The following GATA2 variants were observed in gnomAD, a reference collection of about 807,000 sequenced individuals.
The protein encoded by GATA2 is endothelial transcription factor GATA-2.
In GATA2, 6 loss-of-function variants were observed where a neutral mutation model predicts 35.7. The observed-to-expected ratio is 0.17, with a 90% confidence interval of 0.09 to 0.33. GATA2 has a LOEUF of 0.33. GATA2 is among the 10% of genes least tolerant of loss of function. GATA2 has a pLI of 1.00. For synonymous variants in GATA2, 313 were observed against 274.9 expected, an observed-to-expected ratio of 1.14 and a Z score of -1.37; for missense variants, 541 against 656.6, an observed-to-expected ratio of 0.82 and a Z score of 1.92.
At chr3:128,486,604 G>A (rs1294919177) in intron 2 of GATA2, among the ~76,000 whole-genome samples, 199 bp downstream of exon 2, 2 of 152,122 alleles carry the variant, frequency 1.3e-5, no homozygotes, top group Non-Finnish European at 2.9e-5. Context: ...ACCCTCACAG[G>A]CCAGCTGGAA....
intron 3 of GATA2, among the ~76,000 whole-genome samples, chr3:128,485,423 C>A (rs1360283622): frequency 6.6e-6 from 1 of 152,158 alleles, no homozygotes; most frequent in Non-Finnish European, 1.5e-5. Context: ...TGAATTTTCA[C>A]TTAAGATTCA....
In GATA2 at chr3:128,486,030, C is replaced by G. The variant is rs202162468; in HGVS notation, c.568G>C (p.Ala190Pro). ...GCGGAAGATGAGGCTGGAGACGCAG[C>G]CCCCGTGGTGCTAGGGTCAGGAGAC... ...EVSPDPSTTG[A>P]ASPASSSAGG... is the part of the protein sequence containing the mutation. Residue 190 changes from alanine (A) to proline (P), a missense_variant, in exon 3 of 6, where the codon GCT becomes CCT. By Grantham distance (27) the Ala-to-Pro change is conservative. Transcript: ENST00000341105. 1 of 1,614,134 alleles carries G rather than the reference C, an allele frequency of 6.2e-7. No homozygotes were observed. Among genetic ancestry groups the G allele is most frequent in the Non-Finnish European group, 8.5e-7 (1 of 1,180,014 alleles).
At chr3:128,483,794 T>A in intron 4 of GATA2, 66 bp downstream of exon 4, 1 of 1,608,266 alleles carries the variant, frequency 6.2e-7, no homozygotes, top group East Asian at 2.2e-5. Context: ...GGAGTTTTTT[T>A]CCCCTGTAAT....
chr3:128,485,749 G>A lies in GATA2; in HGVS notation c.849C>T (p.Arg283=). Residue 283 remains arginine (R), a synonymous_variant, in exon 3 of 6, where the codon CGC becomes CGT. Coordinates refer to ENST00000341105, the MANE Select transcript of GATA2 (RefSeq NM_032638.5). Reference sequence around the variant, plus strand: ...TACCTGAACAGGAACGAGCCTTGCTGCGCTGCTTAGGGGTGAAGCTGGAGG... The same window carrying A: ...TACCTGAACAGGAACGAGCCTTGCTACGCTGCTTAGGGGTGAAGCTGGAGG... ...GPASSFTPKQ[R]SKARSCSEGR... The A allele has an allele frequency of 1.9e-6, 3 of 1,613,942 alleles. No homozygotes were observed. Among genetic ancestry groups the A allele is most frequent in the Middle Eastern group, 1.6e-4 (1 of 6,062 alleles).
At chr3:128,481,608 T>C (rs2068629178) in intron 5 of GATA2, among the ~76,000 whole-genome samples, 1 of 142,750 alleles carries the variant, frequency 7.0e-6, no homozygotes, top group South Asian at 2.6e-4. Flanking sequence ...GAGAAACCAC[T>C]TCCCTAGTCC....
In GATA2 at chr3:128,485,992, T is replaced by C. The variant is rs199938223; in HGVS notation, c.606A>G (p.Ala202=). 9 of 1,614,152 alleles carry C rather than the reference T, an allele frequency of 5.6e-6. No individual in the cohort carries two copies. The highest frequency in any genetic ancestry group is 7.6e-6 in the Non-Finnish European group (9 of 1,180,000). Residue 202 remains alanine, a synonymous_variant, in exon 3 of 6, where the codon GCA becomes GCG. Coordinates refer to ENST00000341105, the MANE Select transcript of GATA2 (RefSeq NM_032638.5). ...SPASSSAGGS[A]ARGEDKDGVK... is the part of the protein sequence containing the mutation. ...CGCCGTCCTTGTCCTCTCCTCGGGC[T>C]GCACTACCCCCCGCGGAAGATGAGG...
chr3:128,481,098 G>A lies in GATA2; in HGVS notation c.1364C>T (p.Thr455Ile), dbSNP rs754242887. The stretch of plus-strand genomic sequence containing the variant: ...GGAGGAGGGGTGGATGGGCGTCGGA[G>A]TGGGCAGGATGTGTCCGGAGTGGCT... ...PFSHSGHILPTPTPIHPSSSL... is the reference protein window; with the variant it reads ...PFSHSGHILPIPTPIHPSSSL... Residue 455 changes from threonine (T) to isoleucine (I), a missense_variant, in exon 6 of 6, where the codon ACT (threonine) becomes ATT (isoleucine). Around this residue, in one of 5 missense-constraint regions of GATA2, gnomAD observed 95 missense variants for 114.0 expected, o/e 0.83. Coordinates refer to ENST00000341105, the MANE Select transcript of GATA2 (RefSeq NM_032638.5). 3 of 1,612,514 alleles carry A rather than the reference G, an allele frequency of 1.9e-6. No homozygotes were observed. Among genetic ancestry groups the A allele is most frequent in the South Asian group, 1.1e-5 (1 of 91,010 alleles).
At position 128,482,814 on chromosome 3, in the gene GATA2, C is replaced by T. The variant is rs369204885; in HGVS notation, c.1018-870G>A. On this transcript the variant is annotated intron_variant, in intron 4 of 5. Coordinates refer to ENST00000341105, the MANE Select transcript of GATA2 (RefSeq NM_032638.5). The stretch of plus-strand genomic sequence containing the variant: ...ACCCAAGAAAACAGATCCCCTCTCC[C>T]GGTTCCACCAACGCCAGCCCCACAG... Among the ~76,000 whole-genome samples the T allele has an allele frequency of 2.2e-4, 33 of 152,374 alleles. No homozygotes were observed. In the East Asian group the frequency reaches 5.6e-3, roughly 26 times the overall value.
Position 128,486,845 on chromosome 3 carries a change from G to C in GATA2, c.187C>G (p.Pro63Ala), listed in dbSNP as rs1240150433. ...GAGACGCGCGCCCGCGCGTGAGCGGGGTTGGCATAGTAGGGGTTGCCCTGC... is the reference window on the plus strand; with the variant it reads ...GAGACGCGCGCCCGCGCGTGAGCGGCGTTGGCATAGTAGGGGTTGCCCTGC... ...DSQGNPYYAN[P>A]AHARARVSYS... Residue 63 changes from proline to alanine, a missense_variant, in exon 2 of 6, where the codon CCC (proline) becomes GCC (alanine). Pro to Ala is a conservative substitution (Grantham distance 27). Coordinates refer to ENST00000341105, the MANE Select transcript of GATA2 (RefSeq NM_032638.5). 2.5e-6 allele frequency: 4 copies of C among 1,611,904 alleles called. No individual in the cohort carries two copies. Among genetic ancestry groups the C allele is most frequent in the East Asian group, 4.5e-5 (2 of 44,802 alleles).
At chr3:128,492,585 G>C (rs953926329) in intron 1 of GATA2, among the ~76,000 whole-genome samples, 1 of 152,312 alleles carries the variant, frequency 6.6e-6, no homozygotes, top group Middle Eastern at 3.4e-3. Context: ...GGGCGGCCGA[G>C]ACAAAGGCCC....
intron 1 of GATA2, 49 bp from the exon 2 acceptor site, chr3:128,487,125 C>A: frequency 9.4e-7 from 1 of 1,065,086 alleles, no homozygotes; most frequent in Non-Finnish European, 1.3e-6. Flanking sequence ...CTGACACCCC[C>A]CAAAGTCCCA....
chr3:128,491,221 T>C (rs58531099), intron 1 of GATA2, among the ~76,000 whole-genome samples: 9,006 of 56,560 alleles, frequency 0.16, 1,079 homozygotes, highest in African/African-American at 0.29. Context: ...CCCCCCCCCC[T>C]CTGAGCCCTT....
At position 128,481,004 on chromosome 3, in the gene GATA2, A is replaced by C; in HGVS notation, c.*15T>G. The C allele has an allele frequency of 8.4e-6, 13 of 1,544,286 alleles. No individual in the cohort carries two copies. Among genetic ancestry groups the C allele is most frequent in the Non-Finnish European group, 1.1e-5 (13 of 1,144,142 alleles). On this transcript the variant is annotated 3_prime_UTR_variant, in exon 6 of 6. Coordinates refer to ENST00000341105, the MANE Select transcript of GATA2 (RefSeq NM_032638.5). Reference sequence around the variant, plus strand: ...CCATCCCGGGAGTGCCCGGTCCTCGACGTCCATCTGTTCCCTAGCCCATGG... The same window carrying C: ...CCATCCCGGGAGTGCCCGGTCCTCGCCGTCCATCTGTTCCCTAGCCCATGG...
Position 128,479,515 on chromosome 3 carries a change from G to A in GATA2, c.*1504C>T, listed in dbSNP as rs1322539388. The A allele has an allele frequency of 4.3e-6, 1 of 233,128 alleles. No individual in the cohort carries two copies. The highest frequency in any genetic ancestry group is 8.5e-6 in the Non-Finnish European group (1 of 117,766). 14.4% of individuals were successfully genotyped at this position (233,128 alleles called of 1,614,324 possible). ...CATTTTTTACAGACAATATATAAAT[G>A]TTGTACATAATTAACAATAACTTAG... On this transcript the variant is annotated 3_prime_UTR_variant, in exon 6 of 6. Transcript: ENST00000341105.
In GATA2 at chr3:128,486,061, T is replaced by C. The variant is rs764211545; in HGVS notation, c.537A>G (p.Lys179=). 1 of 1,613,966 alleles carries C rather than the reference T, an allele frequency of 6.2e-7. No homozygotes were observed. The highest frequency in any genetic ancestry group is 1.3e-5 in the African/African-American group (1 of 74,908). ...TGGTGCTAGGGTCAGGAGACACTTC[T>C]TTGGGTGGCGTGGGTGGGAAGCCGA... ...HLFGFPPTPP[K]EVSPDPSTTG... The change falls in exon 3 of 6, where the codon AAA becomes AAG. Residue 179 remains lysine, a synonymous_variant. Transcript: ENST00000341105.
chr3:128,487,121 C>T (rs1276016304), intron 1 of GATA2, 45 bp from the exon 2 acceptor site: 4 of 1,113,108 alleles, frequency 3.6e-6, no homozygotes, highest in Non-Finnish European at 5.0e-6. Context: ...GCGCCTGACA[C>T]CCCCCAAAGT....
chr3:128,481,769 C>T (rs780026744), intron 5 of GATA2, 50 bp downstream of exon 5: 9 of 1,589,308 alleles, frequency 5.7e-6, no homozygotes, highest in South Asian at 1.1e-5. Context: ...CAGCACAAAG[C>T]GCAGAGGTCC....
At position 128,492,938 on chromosome 3, in the gene GATA2, G is replaced by C. The variant is rs2068795552; in HGVS notation, c.-85C>G. ...TGGGCGGCGCCCCCGGGCGGACGGG[G>C]CCTGGAGTAGAGCTGGGAGCAGGGC... On this transcript the variant is annotated 5_prime_UTR_variant, in exon 1 of 6. Coordinates refer to ENST00000341105, the MANE Select transcript of GATA2 (RefSeq NM_032638.5). 1 of 152,798 alleles carries C rather than the reference G, an allele frequency of 6.5e-6. No homozygotes were observed. Among genetic ancestry groups the C allele is most frequent in the African/African-American group, 2.4e-5 (1 of 41,438 alleles). 9.5% of individuals were successfully genotyped at this position (152,798 alleles called of 1,614,324 possible).
chr3:128,486,062 T>G lies in GATA2; in HGVS notation c.536A>C (p.Lys179Thr), dbSNP rs751678435. The change falls in exon 3 of 6, where the codon AAA becomes ACA. Residue 179 changes from lysine (K) to threonine (T), a missense_variant. Coordinates refer to ENST00000341105, the MANE Select transcript of GATA2 (RefSeq NM_032638.5). ...GGTGCTAGGGTCAGGAGACACTTCT[T>G]TGGGTGGCGTGGGTGGGAAGCCGAA... is the stretch of plus-strand genomic sequence containing the variant. ...HLFGFPPTPP[K>T]EVSPDPSTTG... 2.5e-6 allele frequency: 4 copies of G among 1,613,992 alleles called. No individual in the cohort carries two copies. Among genetic ancestry groups the G allele is most frequent in the Non-Finnish European group, 3.4e-6 (4 of 1,179,994 alleles).
Sources: allele counts gnomAD v4.1 joint callset (sites outside exome capture counted in the v4.1 genomes callset), GRCh38; gene constraint gnomAD v4.1.1; regional missense constraint gnomAD v4.1.1; transcripts MANE v1.5; gene names NCBI Gene and HGNC (gene_info 2026-07-23, HGNC 2026-07-21).